The following AKAP19 variants were observed in gnomAD, a reference collection of about 807,000 sequenced individuals.
AKAP19 encodes the protein A-kinase anchoring protein 19.
At chr2:190,133,730 C>G in the AKAP19 span, among the ~76,000 whole-genome samples, 1 of 152,082 alleles carries the variant, frequency 6.6e-6, no homozygotes, top group South Asian at 2.1e-4. Context: ...GTGAAATAAG[C>G]CAGGCACAGA....
chr2:190,140,278 C>CTA, the AKAP19 span, among the ~76,000 whole-genome samples: 2 of 152,156 alleles, frequency 1.3e-5, no homozygotes, highest in East Asian at 3.9e-4. Flanking sequence ...ACGGTGCAAG[C>CTA]TCTCTGTGGA....
At chr2:190,065,111 C>T in the AKAP19 span, among the ~76,000 whole-genome samples, 1 of 152,040 alleles carries the variant, frequency 6.6e-6, no homozygotes, top group East Asian at 1.9e-4. Context: ...CCCTTTTTCC[C>T]GTCTATTTAG....
At chr2:189,980,545 G>A in the AKAP19 span, among the ~76,000 whole-genome samples, 1 of 152,120 alleles carries the variant, frequency 6.6e-6, no homozygotes, top group Non-Finnish European at 1.5e-5. Flanking sequence ...ATGTTGGCCA[G>A]GCTGGTCTTG....
At chr2:190,198,242 G>GAATA in the AKAP19 span, among the ~76,000 whole-genome samples, 5 of 152,270 alleles carry the variant, frequency 3.3e-5, no homozygotes, top group African/African-American at 9.6e-5. Flanking sequence ...AGAATTTATA[G>GAATA]AATAATATAT....
the AKAP19 span, among the ~76,000 whole-genome samples, chr2:190,147,781 G>A: frequency 2.6e-5 from 4 of 151,934 alleles, no homozygotes; most frequent in African/African-American, 9.7e-5. Flanking sequence ...ATTGTAAAAG[G>A]GGTTGAGTTC....
At chr2:189,902,749 T>C in the AKAP19 span, among the ~76,000 whole-genome samples, 1 of 152,038 alleles carries the variant, frequency 6.6e-6, no homozygotes, top group Admixed American at 6.6e-5. Context: ...TACTTCGCTT[T>C]TCAAATAGGT....
chr2:190,073,907 C>G, the AKAP19 span, among the ~76,000 whole-genome samples: 2 of 151,822 alleles, frequency 1.3e-5, no homozygotes, highest in Non-Finnish European at 2.9e-5. Flanking sequence ...AAAAATTAGC[C>G]GGGTGTGGTG....
chr2:190,200,183 G>A, the AKAP19 span: 4 of 1,577,350 alleles, frequency 2.5e-6, no homozygotes, highest in East Asian at 6.7e-5. Context: ...CTGTGGAGGT[G>A]CTAGTTTGAA....
At chr2:190,142,722 C>A in the AKAP19 span, among the ~76,000 whole-genome samples, 1 of 152,276 alleles carries the variant, frequency 6.6e-6, no homozygotes, top group South Asian at 2.1e-4. Context: ...GGGGAGGTCC[C>A]CAAATGCTGG....
chr2:190,106,858 A>G, the AKAP19 span, among the ~76,000 whole-genome samples: 1 of 152,202 alleles, frequency 6.6e-6, no homozygotes, highest in Non-Finnish European at 1.5e-5. Context: ...CAGCAACTCA[A>G]GAAGTGTGTT....
the AKAP19 span, among the ~76,000 whole-genome samples, chr2:189,917,089 A>G: frequency 3.9e-5 from 6 of 152,210 alleles, no homozygotes; most frequent in Admixed American, 6.5e-5. Flanking sequence ...ATGATAACAT[A>G]TACTGTAACT....
chr2:190,196,961 G>A, the AKAP19 span, among the ~76,000 whole-genome samples: 2 of 152,128 alleles, frequency 1.3e-5, no homozygotes, highest in African/African-American at 4.8e-5. Context: ...TGGTTCTGGA[G>A]GCTGGGAAGT....
chr2:189,911,961 C>T, the AKAP19 span, among the ~76,000 whole-genome samples: 8 of 151,580 alleles, frequency 5.3e-5, no homozygotes, highest in Non-Finnish European at 7.4e-5. Context: ...TCCTTATGAA[C>T]ATCAGAATAG....
the AKAP19 span, among the ~76,000 whole-genome samples, chr2:189,957,207 C>T: frequency 1.3e-5 from 2 of 152,096 alleles, no homozygotes. Context: ...GTAATCCATG[C>T]TCACGATATA....
At chr2:190,171,506 A>G in the AKAP19 span, among the ~76,000 whole-genome samples, 1 of 152,222 alleles carries the variant, frequency 6.6e-6, no homozygotes, top group East Asian at 1.9e-4. Flanking sequence ...AGTTCAAAAA[A>G]ATACAAGCCT....
the AKAP19 span, among the ~76,000 whole-genome samples, chr2:190,109,003 G>A: frequency 6.6e-6 from 1 of 152,196 alleles, no homozygotes; most frequent in Non-Finnish European, 1.5e-5. Flanking sequence ...AATATTGTGG[G>A]AGAAATGAAG....
At chr2:190,003,092 A>G in the AKAP19 span, among the ~76,000 whole-genome samples, 1 of 149,538 alleles carries the variant, frequency 6.7e-6, no homozygotes, top group Non-Finnish European at 1.5e-5. Context: ...TTAAAAGATA[A>G]CAAATATTTT....
chr2:190,122,858 G>T, the AKAP19 span, among the ~76,000 whole-genome samples: 1 of 150,708 alleles, frequency 6.6e-6, no homozygotes, highest in Non-Finnish European at 1.5e-5. Context: ...CACCCAGGCT[G>T]GAGTGCAGTG....
chr2:190,076,705 C>T, the AKAP19 span, among the ~76,000 whole-genome samples: 2 of 152,076 alleles, frequency 1.3e-5, no homozygotes, highest in Admixed American at 6.6e-5. Flanking sequence ...TTAAGATTTT[C>T]TCTTTGTCAG....
Sources: gnomAD v4.1 joint callset for allele counts (sites outside exome capture counted in the v4.1 genomes callset) on GRCh38, gnomAD v4.1.1 for gene constraint, MANE v1.5 for transcripts, NCBI Gene and HGNC (gene_info 2026-07-23, HGNC 2026-07-21) for gene names.